The following TM9SF3 variants were observed in gnomAD, a reference collection of about 807,000 sequenced individuals.
TM9SF3 encodes SM-11044-binding protein.
TM9SF3 carries 14 observed loss-of-function variants against 78.6 expected under a neutral mutation model. The ratio of observed to expected loss-of-function variants is 0.18; its 90% CI spans 0.12 to 0.28. The LOEUF is 0.28. TM9SF3 is among the 10% of genes least tolerant of loss of function. The pLI, the probability that TM9SF3 is intolerant of heterozygous loss-of-function variation, is 1.00. For missense variants in TM9SF3, 496 were observed against 721.9 expected (o/e 0.69, Z 3.59); for synonymous variants, 231 against 241.7 (o/e 0.96, Z 0.41).
intron 7 of TM9SF3, among the ~76,000 whole-genome samples, chr10:96,551,043 G>A (rs576652815): frequency 3.9e-5 from 6 of 152,232 alleles, no homozygotes; most frequent in Admixed American, 3.3e-4. Context: ...GTTCAGTAAT[G>A]CTACTAAGTT....
At chr10:96,554,612 T>C (rs573497736) in intron 5 of TM9SF3, among the ~76,000 whole-genome samples, 28 of 152,170 alleles carry the variant, frequency 1.8e-4, no homozygotes, top group Non-Finnish European at 4.1e-4. Flanking sequence ...GTGACTTCTT[T>C]AGGCTCTCAG....
intron 5 of TM9SF3, among the ~76,000 whole-genome samples, chr10:96,553,772 T>G (rs1848202783): frequency 6.6e-6 from 1 of 152,234 alleles, no homozygotes; most frequent in Non-Finnish European, 1.5e-5. Flanking sequence ...TTTGATTTTA[T>G]CCACATATTT....
At chr10:96,543,930 T>G (rs1848066524) in intron 9 of TM9SF3, 146 bp downstream of exon 9, 2 of 728,554 alleles carry the variant, frequency 2.7e-6, no homozygotes, top group East Asian at 6.4e-5. Flanking sequence ...ACAACAGTAG[T>G]ATTCTCCTCA....
chr10:96,558,927 C>T (rs1352169615), intron 5 of TM9SF3, among the ~76,000 whole-genome samples: 1 of 152,140 alleles, frequency 6.6e-6, no homozygotes, highest in Non-Finnish European at 1.5e-5. Context: ...TTATCTCCAT[C>T]CTTGAGGAGG....
intron 9 of TM9SF3, among the ~76,000 whole-genome samples, chr10:96,537,205 T>C (rs1475709759): frequency 6.6e-6 from 1 of 152,192 alleles, no homozygotes; most frequent in Non-Finnish European, 1.5e-5. Context: ...AATTTTTTTT[T>C]GGTCAATGAT....
chr10:96,566,716 C>A (rs1848375272), intron 2 of TM9SF3, among the ~76,000 whole-genome samples: 1 of 152,084 alleles, frequency 6.6e-6, no homozygotes, highest in Non-Finnish European at 1.5e-5. Context: ...CAAAAAAAAC[C>A]CTGAGGCTGA....
chr10:96,577,748 T>G lies in TM9SF3; in HGVS notation c.103-919A>C, dbSNP rs564676569. On this transcript the variant is annotated intron_variant, in intron 1 of 14. Transcript: ENST00000371142. ...GCTTAGCATGTGAAACAACTGTGTTTATAACTGAGGATACAGCTTTGAACA... is the reference window on the plus strand; with the variant it reads ...GCTTAGCATGTGAAACAACTGTGTTGATAACTGAGGATACAGCTTTGAACA... Among the ~76,000 whole-genome samples, 61 of 152,284 alleles carry G rather than the reference T, an allele frequency of 4.0e-4. No individual in the cohort carries two copies. In the South Asian group the frequency reaches 8.9e-3, roughly 22 times the overall value.
rs866888118 is a variant in TM9SF3, at chr10:96,536,487, A to C, written c.1186-3297T>G. Reference sequence around the variant, plus strand: ...AAGTTTTTACTTTATTGTAAGAATAAAGTAACCCTAGCTCACTTATTGTAG... The same window carrying C: ...AAGTTTTTACTTTATTGTAAGAATACAGTAACCCTAGCTCACTTATTGTAG... On this transcript the variant is annotated intron_variant, in intron 9 of 14. Coordinates refer to ENST00000371142, the MANE Select transcript of TM9SF3 (RefSeq NM_020123.4). Among the ~76,000 whole-genome samples, 12 of 152,318 alleles carry C rather than the reference A, an allele frequency of 7.9e-5. No individual in the cohort carries two copies. The Middle Eastern group carries it at 0.02, about 259-fold the overall frequency.
intron 7 of TM9SF3, among the ~76,000 whole-genome samples, chr10:96,549,204 T>TC (rs1471870517): frequency 6.6e-6 from 1 of 152,192 alleles, no homozygotes; most frequent in Non-Finnish European, 1.5e-5. Flanking sequence ...AAAATACTTT[T>TC]CCTCTGATTG....
intron 1 of TM9SF3, among the ~76,000 whole-genome samples, chr10:96,582,722 T>G (rs2134163598): frequency 6.6e-6 from 1 of 152,304 alleles, no homozygotes; most frequent in South Asian, 2.1e-4. Flanking sequence ...GCACATTTCC[T>G]TTTCAACACT....
At chr10:96,565,589 C>G (rs1484152106) in intron 2 of TM9SF3, among the ~76,000 whole-genome samples, 163 bp from the exon 3 acceptor site, 3 of 151,666 alleles carry the variant, frequency 2.0e-5, no homozygotes, top group African/African-American at 7.3e-5. Flanking sequence ...TACTATTCCT[C>G]CCTTTTTTTG....
intron 2 of TM9SF3, among the ~76,000 whole-genome samples, chr10:96,570,423 G>C (rs1026657777): frequency 6.6e-6 from 1 of 152,018 alleles, no homozygotes; most frequent in Admixed American, 6.6e-5. Flanking sequence ...GTTACAATCA[G>C]AAAAATATAT....
chr10:96,580,882 A>G (rs1408110800), intron 1 of TM9SF3, among the ~76,000 whole-genome samples: 2 of 152,188 alleles, frequency 1.3e-5, no homozygotes, highest in African/African-American at 4.8e-5. Flanking sequence ...CAAAAACAAA[A>G]CTAAAGAACA....
intron 1 of TM9SF3, among the ~76,000 whole-genome samples, chr10:96,578,299 G>T (rs758341377): frequency 2.0e-5 from 3 of 152,150 alleles, no homozygotes; most frequent in African/African-American, 7.2e-5. Context: ...GAATATAAAA[G>T]TAAGTAAAAT....
chr10:96,564,453 T>A (rs1848347066), intron 3 of TM9SF3, among the ~76,000 whole-genome samples: 1 of 152,244 alleles, frequency 6.6e-6, no homozygotes, highest in African/African-American at 2.4e-5. Context: ...GTCATTTATA[T>A]GATATACTAA....
chr10:96,559,449 TA>T (rs1033513288), intron 5 of TM9SF3, among the ~76,000 whole-genome samples: 2 of 152,182 alleles, frequency 1.3e-5, no homozygotes, highest in African/African-American at 4.8e-5. Flanking sequence ...TTAATTGGTT[TA>T]AACCACAAGC....
In TM9SF3 at chr10:96,586,739, G is replaced by T; in HGVS notation, c.97C>A (p.His33Asn). The change falls in exon 1 of 15, where the codon CAC becomes AAC. Residue 33 changes from histidine (H) to asparagine (N), a missense_variant. Coordinates refer to ENST00000371142, the MANE Select transcript of TM9SF3 (RefSeq NM_020123.4). ...LPRTRADEHE[H>N]TYQDKEEVVL... is the part of the protein sequence containing the mutation. ...CGCCGGCCGGGGCGCCTCACCGTGT[G>T]TTCGTGCTCGTCCGCCCGGGTCCGG... The T allele has an allele frequency of 7.9e-7, 1 of 1,258,092 alleles. No homozygotes were observed. Among genetic ancestry groups the T allele is most frequent in the Non-Finnish European group, 1.0e-6 (1 of 1,004,740 alleles). 77.9% of individuals were successfully genotyped at this position (1,258,092 alleles called of 1,614,324 possible).
At chr10:96,561,843 A>T in intron 4 of TM9SF3, 135 bp downstream of exon 4, 1 of 761,836 alleles carries the variant, frequency 1.3e-6, no homozygotes, top group Non-Finnish European at 2.1e-6. Context: ...ACGTACACTG[A>T]GAAAATATAG....
At chr10:96,586,710 G>A (rs1481190232) in intron 1 of TM9SF3, 24 bp downstream of exon 1, 2 of 1,221,614 alleles carry the variant, frequency 1.6e-6, no homozygotes, top group Non-Finnish European at 2.0e-6. Flanking sequence ...GCCCGGGGCG[G>A]CCGCGCCGGC....
Sources: allele counts gnomAD v4.1 joint callset (sites outside exome capture counted in the v4.1 genomes callset), GRCh38; gene constraint gnomAD v4.1.1; transcripts MANE v1.5; gene names NCBI Gene and HGNC (gene_info 2026-07-23, HGNC 2026-07-21).